TENM3: variants seen among roughly 807,000 people sequenced by gnomAD.
TENM3 encodes the protein teneurin-3.
In TENM3, 63 loss-of-function variants were observed where a neutral mutation model predicts 255.1. The ratio of observed to expected loss-of-function variants is 0.25; its 90% confidence interval spans 0.20 to 0.30. The LOEUF (loss-of-function observed/expected upper bound fraction) is 0.30. Among genes scored for constraint, TENM3 ranks in the 10% least tolerant of loss-of-function variants. The pLI is 1.00. For missense variants in TENM3, 2,929 were observed against 3,461.1 expected (o/e 0.85, Z 3.86); for synonymous variants, 1,306 against 1,322.3 (o/e 0.99, Z 0.27).
At chr4:181,709,567 C>T in the TENM3 span, among the ~76,000 whole-genome samples, 1 of 152,222 alleles carries the variant, frequency 6.6e-6, no homozygotes, top group African/African-American at 2.4e-5. Context: ...TGCAAAGGCC[C>T]TGTGGTATGA....
At chr4:181,484,818 C>T in the TENM3 span, among the ~76,000 whole-genome samples, 1 of 152,074 alleles carries the variant, frequency 6.6e-6, no homozygotes, top group South Asian at 2.1e-4. Context: ...AAAGTAATTT[C>T]CTACCCTGCC....
At chr4:182,295,856 G>A (rs1761453965) in intron 1 of TENM3, among the ~76,000 whole-genome samples, 1 of 152,172 alleles carries the variant, frequency 6.6e-6, no homozygotes, top group African/African-American at 2.4e-5. Flanking sequence ...TATTTTAGTT[G>A]TCAGGACCTA....
chr4:182,493,044 A>G (rs1010338960), intron 3 of TENM3, among the ~76,000 whole-genome samples: 1 of 152,160 alleles, frequency 6.6e-6, no homozygotes, highest in African/African-American at 2.4e-5. Context: ...CATCTTAAGA[A>G]GGACAATTAG....
chr4:182,701,210 C>CTTTTTTGTTTTTTTTTTTTTTT (rs1757834179), intron 12 of TENM3, among the ~76,000 whole-genome samples: 1 of 38,644 alleles, frequency 2.6e-5, no homozygotes, highest in Non-Finnish European at 4.3e-5. Context: ...CAACTCTTGA[C>CTTTTTTGTTTTTTTTTTTTTTT]TTTTTTTTTT....
the TENM3 span, among the ~76,000 whole-genome samples, chr4:181,600,017 C>T: frequency 1.3e-5 from 2 of 152,142 alleles, no homozygotes; most frequent in Admixed American, 6.5e-5. Context: ...AACCCACATC[C>T]GTGTGTATGA....
the TENM3 span, among the ~76,000 whole-genome samples, chr4:181,794,011 T>A: frequency 6.6e-6 from 1 of 152,200 alleles, no homozygotes; most frequent in Non-Finnish European, 1.5e-5. Flanking sequence ...CCAAAAACAT[T>A]TTGATTTAAG....
At chr4:182,078,554 G>A in the TENM3 span, among the ~76,000 whole-genome samples, 3 of 151,936 alleles carry the variant, frequency 2.0e-5, no homozygotes, top group Admixed American at 6.6e-5. Flanking sequence ...AACAAAACTG[G>A]ACATCCGAGT....
the TENM3 span, among the ~76,000 whole-genome samples, chr4:181,502,354 G>A: frequency 6.6e-6 from 1 of 152,176 alleles, no homozygotes; most frequent in Non-Finnish European, 1.5e-5. Flanking sequence ...GGATGCTGTG[G>A]GTGGTGGAGA....
the TENM3 span, among the ~76,000 whole-genome samples, chr4:182,069,373 C>T: frequency 6.6e-6 from 1 of 151,802 alleles, no homozygotes; most frequent in Non-Finnish European, 1.5e-5. Flanking sequence ...TTTTCAGTAC[C>T]CTCTTCCTTG....
At chr4:182,026,618 A>T in the TENM3 span, among the ~76,000 whole-genome samples, 2 of 152,178 alleles carry the variant, frequency 1.3e-5, no homozygotes, top group African/African-American at 2.4e-5. Context: ...TCTTTAATCC[A>T]TTTTTATTTG....
At chr4:182,168,473 G>A (rs183877650) in intron 1 of TENM3, among the ~76,000 whole-genome samples, 11 of 152,108 alleles carry the variant, frequency 7.2e-5, no homozygotes, top group Admixed American at 3.3e-4. Flanking sequence ...ACTAGCCTTC[G>A]TTTTCTCCAA....
chr4:181,732,688 CAAGAA>C, the TENM3 span, among the ~76,000 whole-genome samples: 3 of 148,010 alleles, frequency 2.0e-5, no homozygotes, highest in Non-Finnish European at 4.5e-5. Flanking sequence ...GATAGCAAAC[CAAGAA>C]AAGAAGGGCA....
At chr4:181,540,508 G>A in the TENM3 span, among the ~76,000 whole-genome samples, 1 of 152,046 alleles carries the variant, frequency 6.6e-6, no homozygotes, top group African/African-American at 2.4e-5. Flanking sequence ...TCTGCGGTGG[G>A]GGACCTCAAC....
intron 3 of TENM3, among the ~76,000 whole-genome samples, chr4:182,456,261 G>A (rs1472681453): frequency 2.6e-5 from 4 of 152,084 alleles, no homozygotes; most frequent in African/African-American, 9.7e-5. Context: ...TCTTACTACT[G>A]CTCTGTCATC....
At chr4:182,769,484 T>C (rs562701225) in intron 22 of TENM3, among the ~76,000 whole-genome samples, 1 of 152,160 alleles carries the variant, frequency 6.6e-6, no homozygotes, top group Non-Finnish European at 1.5e-5. Context: ...TATTCATTGC[T>C]TTTAAAGAGC....
the TENM3 span, among the ~76,000 whole-genome samples, chr4:181,894,456 T>C: frequency 6.6e-6 from 1 of 152,168 alleles, no homozygotes; most frequent in African/African-American, 2.4e-5. Flanking sequence ...CTATTATTTG[T>C]TGGCAGCTGA....
At chr4:182,424,697 A>C (rs1771078746) in intron 3 of TENM3, among the ~76,000 whole-genome samples, 1 of 152,170 alleles carries the variant, frequency 6.6e-6, no homozygotes, top group Non-Finnish European at 1.5e-5. Flanking sequence ...CGGAAAAGTA[A>C]GTGTGTTTGC....
chr4:181,591,871 C>T, the TENM3 span, among the ~76,000 whole-genome samples: 1 of 151,894 alleles, frequency 6.6e-6, no homozygotes, highest in Non-Finnish European at 1.5e-5. Flanking sequence ...GTGTAGAATG[C>T]TACACAGCAA....
chr4:181,891,381 A>G, the TENM3 span, among the ~76,000 whole-genome samples: 560 of 152,336 alleles, frequency 3.7e-3, 6 homozygotes, highest in African/African-American at 0.013. Flanking sequence ...CAACCCCTGT[A>G]TACAAATCCA....
Sources: allele counts gnomAD v4.1 joint callset (sites outside exome capture counted in the v4.1 genomes callset), GRCh38; gene constraint gnomAD v4.1.1; transcripts MANE v1.5; gene names NCBI Gene and HGNC (gene_info 2026-07-23, HGNC 2026-07-21).